Variants in PPM1H observed in about 807,000 individuals in gnomAD.
The protein encoded by PPM1H is protein phosphatase 1H.
PPM1H carries 27 observed loss-of-function variants against 54.9 expected under a neutral mutation model. The observed-to-expected ratio is 0.49, with a 90% CI of 0.36 to 0.68. PPM1H has a LOEUF of 0.68. Among genes scored for constraint, PPM1H ranks in the 30% least tolerant of loss-of-function variants. The probability of loss-of-function intolerance (pLI) is 0.00; values close to 1 mark genes in which losing one functional copy is unlikely to be tolerated. For synonymous variants in PPM1H, 305 were observed against 270.8 expected (o/e 1.13, Z -1.24); for missense variants, 596 against 667.8 (o/e 0.89, Z 1.19).
intron 4 of PPM1H, among the ~76,000 whole-genome samples, chr12:62,759,714 AC>A (rs1263954507): frequency 6.8e-6 from 1 of 147,990 alleles, no homozygotes; most frequent in African/African-American, 2.5e-5. Flanking sequence ...CCGTGTCTCT[AC>A]CCCTTCTCCA....
At chr12:62,741,191 CT>C (rs1199626576) in intron 4 of PPM1H, among the ~76,000 whole-genome samples, 1 of 152,138 alleles carries the variant, frequency 6.6e-6, no homozygotes, top group Non-Finnish European at 1.5e-5. Flanking sequence ...AGACTCCTCC[CT>C]TTTCTCACCC....
Position 62,737,751 on chromosome 12 carries a change from G to C in PPM1H, c.870-165C>G, listed in dbSNP as rs907832874. Among the ~76,000 whole-genome samples, 3 of 152,142 alleles carry C rather than the reference G, an allele frequency of 2.0e-5. No homozygotes were observed. In the East Asian group the frequency reaches 5.8e-4, roughly 29 times the overall value. On this transcript the variant is annotated intron_variant, in intron 4 of 9. Coordinates refer to ENST00000228705, the MANE Select transcript of PPM1H (RefSeq NM_020700.2). ...CCCAGCTCTGAATCCCTCACCACAT[G>C]AGAGGCATCTCTCTTTTAAGTGCAT...
intron 8 of PPM1H, among the ~76,000 whole-genome samples, chr12:62,668,070 T>C (rs1220198314): frequency 2.6e-5 from 4 of 152,146 alleles, no homozygotes; most frequent in Non-Finnish European, 4.4e-5. Flanking sequence ...TTTCCTCATG[T>C]CTAGTACCTT....
chr12:62,916,620 A>G (rs778374982), intron 1 of PPM1H, among the ~76,000 whole-genome samples: 1 of 151,680 alleles, frequency 6.6e-6, no homozygotes, highest in Non-Finnish European at 1.5e-5. Flanking sequence ...AAACACCAAG[A>G]GTATTTTTTT....
intron 1 of PPM1H, among the ~76,000 whole-genome samples, chr12:62,909,490 A>G (rs1871393552): frequency 1.3e-5 from 2 of 151,980 alleles, no homozygotes; most frequent in Non-Finnish European, 2.9e-5. Context: ...GTCCTCAAAC[A>G]CAACAAGCAT....
chr12:62,780,869 G>A (rs1210381883), intron 4 of PPM1H, among the ~76,000 whole-genome samples: 1 of 152,188 alleles, frequency 6.6e-6, no homozygotes, highest in African/African-American at 2.4e-5. Context: ...TTCTACCCTA[G>A]CTCAGCAGCC....
At chr12:62,766,189 T>C (rs954232361) in intron 4 of PPM1H, among the ~76,000 whole-genome samples, 4 of 152,170 alleles carry the variant, frequency 2.6e-5, no homozygotes, top group Non-Finnish European at 5.9e-5. Flanking sequence ...CCTAGGTTTT[T>C]GGTTTAAGTT....
Position 62,863,665 on chromosome 12 carries a change from A to G in PPM1H, c.246-31386T>C, listed in dbSNP as rs1293147587. Among the ~76,000 whole-genome samples, 3 of 152,226 alleles carry G rather than the reference A, an allele frequency of 2.0e-5. No individual in the cohort carries two copies. The East Asian group carries it at 5.8e-4, about 29-fold the overall frequency. ...TAATCTGACTCTTACTATAGGCACTATAGGGTTGCTATTGTCTTACACCGT... is the reference window on the plus strand; with the variant it reads ...TAATCTGACTCTTACTATAGGCACTGTAGGGTTGCTATTGTCTTACACCGT... On this transcript the variant is annotated intron_variant, in intron 1 of 9. Transcript: ENST00000228705.
chr12:62,878,029 C>T (rs1218547410), intron 1 of PPM1H, among the ~76,000 whole-genome samples: 1 of 152,132 alleles, frequency 6.6e-6, no homozygotes, highest in Admixed American at 6.5e-5. Flanking sequence ...TCCTGAGTTG[C>T]TGAGACTACA....
intron 4 of PPM1H, among the ~76,000 whole-genome samples, chr12:62,783,112 A>G (rs1192322619): frequency 2.6e-5 from 4 of 152,218 alleles, no homozygotes; most frequent in Non-Finnish European, 5.9e-5. Context: ...GATTGCAGGC[A>G]TGAGCCACTG....
intron 1 of PPM1H, chr12:62,850,706 T>C (rs1195989350): frequency 6.7e-6 from 1 of 148,768 alleles, no homozygotes; most frequent in Non-Finnish European, 1.5e-5. Flanking sequence ...GTAAAATATA[T>C]ATATATTTAT....
intron 1 of PPM1H, among the ~76,000 whole-genome samples, chr12:62,897,374 G>C (rs1039758496): frequency 6.6e-6 from 1 of 152,124 alleles, no homozygotes; most frequent in Non-Finnish European, 1.5e-5. Context: ...CCTCAGGCAA[G>C]CAGTATCTGT....
intron 3 of PPM1H, among the ~76,000 whole-genome samples, chr12:62,793,778 G>A (rs2076715229): frequency 2.1e-5 from 3 of 145,504 alleles, no homozygotes; most frequent in African/African-American, 7.6e-5. Context: ...ACAGAGATGT[G>A]TGTGCAATGA....
chr12:62,783,763 G>T (rs1287179934), intron 4 of PPM1H, among the ~76,000 whole-genome samples: 2 of 152,318 alleles, frequency 1.3e-5, no homozygotes, highest in East Asian at 3.9e-4. Context: ...GTAGAATTAT[G>T]AATTTAATAA....
chr12:62,853,808 A>G (rs1019226337), intron 1 of PPM1H, among the ~76,000 whole-genome samples: 4 of 152,204 alleles, frequency 2.6e-5, no homozygotes, highest in African/African-American at 7.2e-5. Flanking sequence ...CTGTCTTGCT[A>G]TAGAAGATAA....
At position 62,934,903 on chromosome 12, in the gene PPM1H, C is replaced by T. The variant is rs1592678106; in HGVS notation, c.-167G>A. On this transcript the variant is annotated 5_prime_UTR_variant, in exon 1 of 10. Coordinates refer to ENST00000228705, the MANE Select transcript of PPM1H (RefSeq NM_020700.2). The surrounding 1 kb of genome is among the most constrained non-coding windows in gnomAD (Gnocchi z 4.2). ...AGCCTAGTGCTGCAGGGGGCCGAGC[C>T]CCGGCCTCTCGTGCTTAGTGCCGCG... The T allele has an allele frequency of 4.0e-5, 21 of 529,750 alleles. No individual in the cohort carries two copies. The East Asian group carries it at 1.0e-3, about 26-fold the overall frequency. 32.8% of individuals were successfully genotyped at this position (529,750 alleles called of 1,614,324 possible).
At chr12:62,782,512 A>C (rs1293205923) in intron 4 of PPM1H, among the ~76,000 whole-genome samples, 1 of 152,220 alleles carries the variant, frequency 6.6e-6, no homozygotes, top group Non-Finnish European at 1.5e-5. Flanking sequence ...TGAAAGATAA[A>C]TGAAAGGAAA....
At chr12:62,933,923 C>G (rs1872232478) in intron 1 of PPM1H, 1 of 152,406 alleles carries the variant, frequency 6.6e-6, no homozygotes, top group Non-Finnish European at 1.5e-5. Flanking sequence ...ATTTTACTAC[C>G]TGCTAAAGGA....
rs778697452 is a variant in PPM1H at position 62,680,340 on chromosome 12, TCTTTCTTTCTTC to T, written c.1245+9347_1245+9358del. ...TTCTCTCTCTCTCTTTCTTTCTGTT[TCTTTCTTTCTTC>T]CTTTCTTTCTTTCAAGATGGGGTAT... On this transcript the variant is annotated intron_variant, in intron 8 of 9. Transcript: ENST00000228705. Among the ~76,000 whole-genome samples the T allele has an allele frequency of 5.3e-4, 81 of 151,700 alleles. 2 individuals are homozygous for T. The highest frequency in any genetic ancestry group is 1.7e-3 in the African/African-American group (70 of 41,232).
Sources: gnomAD v4.1 joint callset for allele counts (sites outside exome capture counted in the v4.1 genomes callset) on GRCh38, gnomAD v4.1.1 for gene constraint, Gnocchi (gnomAD v3.1) non-coding constraint, MANE v1.5 for transcripts, NCBI Gene and HGNC (gene_info 2026-07-23, HGNC 2026-07-21) for gene names.